TPST1: variants seen among roughly 807,000 people sequenced by gnomAD.
TPST1 encodes protein-tyrosine sulfotransferase 1.
Under a neutral mutation model 34.8 loss-of-function variants are expected in TPST1, and 20 were observed. The observed-to-expected ratio is 0.57, with a 90% CI of 0.40 to 0.84. The LOEUF is 0.84. Ranked by LOEUF, TPST1 falls within the 40% of genes least tolerant of loss-of-function variation. The pLI, the probability that TPST1 is intolerant of heterozygous loss-of-function variation, is 0.00. For missense variants in TPST1, 353 were observed against 455.5 expected (o/e 0.78, Z 2.05); for synonymous variants, 152 against 159.4 (o/e 0.95, Z 0.35).
intron 3 of TPST1, among the ~76,000 whole-genome samples, chr7:66,315,543 G>A (rs1791615901): frequency 6.6e-6 from 1 of 152,168 alleles, no homozygotes; most frequent in Non-Finnish European, 1.5e-5. Flanking sequence ...AAGGTGTTGC[G>A]GGGTTGTGGG....
At chr7:66,329,021 C>G (rs1791943565) in intron 3 of TPST1, among the ~76,000 whole-genome samples, 1 of 145,218 alleles carries the variant, frequency 6.9e-6, no homozygotes, top group South Asian at 2.2e-4. Flanking sequence ...AAGCAATTCT[C>G]CTGCCTCAGC....
intron 3 of TPST1, among the ~76,000 whole-genome samples, chr7:66,307,092 G>C (rs537528917): frequency 6.6e-6 from 1 of 151,916 alleles, no homozygotes; most frequent in Non-Finnish European, 1.5e-5. Flanking sequence ...ATGGGATGTA[G>C]GTGGCTTAAC....
chr7:66,324,657 A>G (rs1791822767), intron 3 of TPST1, among the ~76,000 whole-genome samples: 1 of 151,716 alleles, frequency 6.6e-6, no homozygotes, highest in Admixed American at 6.6e-5. Flanking sequence ...AAATTAGCCA[A>G]ACCTGGTGGT....
At chr7:66,226,973 G>A (rs929848929) in intron 1 of TPST1, among the ~76,000 whole-genome samples, 2 of 148,688 alleles carry the variant, frequency 1.3e-5, no homozygotes, top group African/African-American at 4.9e-5. Flanking sequence ...CAGAAGCAGT[G>A]GAAAAACAGG....
chr7:66,300,892 G>A (rs1245885887), intron 3 of TPST1, among the ~76,000 whole-genome samples: 1 of 151,844 alleles, frequency 6.6e-6, no homozygotes, highest in Admixed American at 6.6e-5. Flanking sequence ...GTTGCAGTGA[G>A]CCAAGATTAT....
At chr7:66,233,875 T>G (rs574119407) in intron 1 of TPST1, among the ~76,000 whole-genome samples, 1 of 152,060 alleles carries the variant, frequency 6.6e-6, no homozygotes, top group African/African-American at 2.4e-5. Context: ...TTCTTTTTTT[T>G]TCTGAGACAA....
At chr7:66,295,264 G>A (rs1791170048) in intron 3 of TPST1, among the ~76,000 whole-genome samples, 1 of 152,218 alleles carries the variant, frequency 6.6e-6, no homozygotes. Context: ...GGAGGCTGAG[G>A]TGGGTGGATC....
chr7:66,344,589 T>C (rs1792304576), intron 3 of TPST1, among the ~76,000 whole-genome samples: 1 of 149,904 alleles, frequency 6.7e-6, no homozygotes, highest in Non-Finnish European at 1.5e-5. Flanking sequence ...ATTTTTGTAA[T>C]TTTAGTGGAG....
At chr7:66,232,020 T>C (rs1403257542) in intron 1 of TPST1, among the ~76,000 whole-genome samples, 1 of 152,234 alleles carries the variant, frequency 6.6e-6, no homozygotes, top group African/African-American at 2.4e-5. Flanking sequence ...TACCACATTT[T>C]GTTTATCCAT....
At chr7:66,309,133 A>G (rs924620023) in intron 3 of TPST1, among the ~76,000 whole-genome samples, 6 of 152,170 alleles carry the variant, frequency 3.9e-5, no homozygotes, top group African/African-American at 1.4e-4. Context: ...TCCTGACCTC[A>G]GGTGATCCAC....
At chr7:66,223,523 C>T (rs1349198484) in intron 1 of TPST1, among the ~76,000 whole-genome samples, 12 of 150,010 alleles carry the variant, frequency 8.0e-5, no homozygotes. Flanking sequence ...CTTGAGTTAC[C>T]GAATAAGAAT....
intron 3 of TPST1, among the ~76,000 whole-genome samples, chr7:66,303,385 C>CCG (rs1791356007): frequency 2.4e-5 from 1 of 41,812 alleles, no homozygotes; most frequent in Non-Finnish European, 5.2e-5. Context: ...AGAAAAACAG[C>CCG]TGTGTGTGTA....
intron 3 of TPST1, among the ~76,000 whole-genome samples, chr7:66,298,068 G>A (rs1412890231): frequency 1.3e-5 from 2 of 152,118 alleles, no homozygotes; most frequent in Non-Finnish European, 1.5e-5. Flanking sequence ...ATTATGGTTT[G>A]TTTCAGTCCT....
chr7:66,347,621 G>A (rs1584259107), intron 3 of TPST1, among the ~76,000 whole-genome samples: 1 of 152,268 alleles, frequency 6.6e-6, no homozygotes, highest in East Asian at 1.9e-4. Flanking sequence ...TACTCCACCA[G>A]TATTATTCTT....
chr7:66,308,438 T>A (rs988915021), intron 3 of TPST1, among the ~76,000 whole-genome samples: 1 of 152,204 alleles, frequency 6.6e-6, no homozygotes. Flanking sequence ...GAGAGGCAGC[T>A]CTAATGTAAC....
rs534883285 is a variant in TPST1, at chr7:66,360,191, G to GGA, written c.*330_*331dup. On this transcript the variant is annotated 3_prime_UTR_variant, in exon 6 of 6. Coordinates refer to ENST00000304842, the MANE Select transcript of TPST1 (RefSeq NM_003596.4). ...CTTACATTATGACGTTTGTTTTCAA[G>GGA]GAGAGGGTTTAAAAATGGGATCCTG... 1.3e-3 allele frequency: 420 copies of GGA among 311,794 alleles called. 7 individuals carry two copies. The highest frequency in any genetic ancestry group is 0.012 in the South Asian group (409 of 34,790). 19.3% of individuals were successfully genotyped at this position (311,794 alleles called of 1,614,324 possible). A position where few individuals can be genotyped will look rare whatever the true frequency, so the allele number is the denominator to read the frequency against.
chr7:66,337,090 G>A (rs1479027312), intron 3 of TPST1, among the ~76,000 whole-genome samples: 3 of 152,046 alleles, frequency 2.0e-5, no homozygotes, highest in African/African-American at 7.2e-5. Flanking sequence ...CACCAGACCT[G>A]TCTTACAAAA....
At chr7:66,348,609 G>A (rs765865576) in intron 3 of TPST1, among the ~76,000 whole-genome samples, 1 of 152,192 alleles carries the variant, frequency 6.6e-6, no homozygotes, top group African/African-American at 2.4e-5. Context: ...TTGCTGTCAA[G>A]CAGAATCCTC....
At chr7:66,263,994 T>C (rs1790538817) in intron 2 of TPST1, among the ~76,000 whole-genome samples, 1 of 152,164 alleles carries the variant, frequency 6.6e-6, no homozygotes, top group South Asian at 2.1e-4. Flanking sequence ...GTTCCATGTG[T>C]CAGCTGGGGC....
Sources: gnomAD v4.1 joint callset for allele counts (sites outside exome capture counted in the v4.1 genomes callset) on GRCh38, gnomAD v4.1.1 for gene constraint, MANE v1.5 for transcripts, NCBI Gene and HGNC (gene_info 2026-07-23, HGNC 2026-07-21) for gene names.